The following HIBCH variants were observed in gnomAD, a reference collection of about 807,000 sequenced individuals.
HIBCH encodes 3-hydroxyisobutyryl-CoA hydrolase, mitochondrial.
Under a neutral mutation model 58.2 loss-of-function variants are expected in HIBCH, and 50 were observed. That is an observed-to-expected ratio of 0.86 (90% CI 0.68 to 1.09). The LOEUF is 1.09. Among genes scored for constraint, HIBCH ranks in the 50% least tolerant of loss-of-function variants. The pLI is 0.00. For synonymous variants in HIBCH, 151 were observed against 146.9 expected (o/e 1.03, Z -0.20); for missense variants, 450 against 449.7 (o/e 1.00, Z -0.01).
intron 4 of HIBCH, among the ~76,000 whole-genome samples, chr2:190,293,474 A>T (rs1688007954): frequency 6.6e-6 from 1 of 152,012 alleles, no homozygotes; most frequent in Non-Finnish European, 1.5e-5. Context: ...ATAAATAAAT[A>T]AATAAAATAA....
In HIBCH at chr2:190,205,131, C is replaced by G. The variant is rs749176843; in HGVS notation, c.1147G>C (p.Asp383His). Residue 383 changes from aspartate to histidine, a missense_variant, in exon 14 of 14, where the codon GAT becomes CAT. By Grantham distance (81) the Asp-to-His change is moderately conservative. Coordinates refer to ENST00000359678, the MANE Select transcript of HIBCH (RefSeq NM_014362.4). ...AGCCTGTCACCTCAAAATTTCAAAT[C>G]ACTGCTTCCCAAAGACTTAAAGTGA... is the stretch of plus-strand genomic sequence containing the variant. ...NNHFKSLGSS[D>H]LKF The G allele has an allele frequency of 6.3e-7, 1 of 1,596,564 alleles. No individual in the cohort carries two copies. Among genetic ancestry groups the G allele is most frequent in the Non-Finnish European group, 8.6e-7 (1 of 1,165,918 alleles).
intron 2 of HIBCH, among the ~76,000 whole-genome samples, chr2:190,310,436 C>G (rs1688528065): frequency 6.6e-6 from 1 of 152,118 alleles, no homozygotes; most frequent in Non-Finnish European, 1.5e-5. Context: ...TATAAGCACT[C>G]TAAGGTAGAT....
chr2:190,237,539 G>A (rs1001943648), intron 11 of HIBCH, among the ~76,000 whole-genome samples: 1 of 152,054 alleles, frequency 6.6e-6, no homozygotes, highest in Non-Finnish European at 1.5e-5. Flanking sequence ...GTGTGGACTC[G>A]TGTTTACACT....
chr2:190,285,247 G>A (rs1403149077), intron 6 of HIBCH, among the ~76,000 whole-genome samples: 1 of 152,118 alleles, frequency 6.6e-6, no homozygotes, highest in Non-Finnish European at 1.5e-5. Context: ...ATCCTTATGG[G>A]ATTTCTTTCC....
chr2:190,231,001 C>G (rs913287851), intron 11 of HIBCH, among the ~76,000 whole-genome samples: 1 of 152,150 alleles, frequency 6.6e-6, no homozygotes, highest in African/African-American at 2.4e-5. Context: ...AAGGCTTCTT[C>G]CAGAAATACA....
intron 1 of HIBCH, among the ~76,000 whole-genome samples, chr2:190,195,093 G>T (rs1347940289): frequency 6.6e-6 from 1 of 152,022 alleles, no homozygotes; most frequent in African/African-American, 2.4e-5. Context: ...TGAACTCCTG[G>T]GCTCAAATGA....
chr2:190,288,316 C>A (rs1687881843), intron 5 of HIBCH, among the ~76,000 whole-genome samples: 1 of 151,164 alleles, frequency 6.6e-6, no homozygotes, highest in African/African-American at 2.4e-5. Context: ...TAAAACAATT[C>A]TAAAATTCAT....
intron 13 of HIBCH, chr2:190,208,633 C>G: frequency 1.8e-6 from 1 of 551,580 alleles, no homozygotes; most frequent in Non-Finnish European, 3.2e-6. Flanking sequence ...TATTCTTTAT[C>G]TGGAATGCTT....
chr2:190,307,781 G>A (rs1351390186), intron 2 of HIBCH, among the ~76,000 whole-genome samples: 1 of 152,192 alleles, frequency 6.6e-6, no homozygotes, highest in Non-Finnish European at 1.5e-5. Flanking sequence ...AGATAGAAAT[G>A]AGGCCTCACT....
At chr2:190,252,673 C>G (rs1686808049) in intron 7 of HIBCH, among the ~76,000 whole-genome samples, 1 of 151,346 alleles carries the variant, frequency 6.6e-6, no homozygotes, top group Non-Finnish European at 1.5e-5. Context: ...CAAATCAGCA[C>G]AGGAAAAAAA....
rs555470391 is a variant in HIBCH, at chr2:190,233,267, C to T, written c.891+11620G>A. ...ATTTTCTGCTCATCATATGACACCA[C>T]TGAGAGAGAAAAGGCAAGTCACAGA... On this transcript the variant is annotated intron_variant, in intron 11 of 13. Transcript: ENST00000359678. Among the ~76,000 whole-genome samples the T allele has an allele frequency of 1.6e-4, 25 of 152,286 alleles. 1 individual carries two copies. Among genetic ancestry groups the T allele is most frequent in the Admixed American group, 1.4e-3 (21 of 15,298 alleles).
Position 190,287,658 on chromosome 2 carries a change from A to C in HIBCH, c.386-20T>G. ...AAGAACCTGAAAGAAACAGAGCTGT[A>C]ATTTTAGTTACAGTGTTTAAAATAC... On this transcript the variant is annotated intron_variant, in intron 5 of 13. Coordinates refer to ENST00000359678, the MANE Select transcript of HIBCH (RefSeq NM_014362.4). 2.5e-6 allele frequency: 4 copies of C among 1,583,276 alleles called. No homozygotes were observed. Among genetic ancestry groups the C allele is most frequent in the Non-Finnish European group, 3.5e-6 (4 of 1,152,462 alleles).
intron 1 of HIBCH, among the ~76,000 whole-genome samples, chr2:190,194,919 C>G (rs557885299): frequency 6.6e-6 from 1 of 152,258 alleles, no homozygotes; most frequent in South Asian, 2.1e-4. Context: ...GTGGTGCAAT[C>G]AATCTTAACT....
At chr2:190,308,033 C>T (rs542426992) in intron 2 of HIBCH, among the ~76,000 whole-genome samples, 3 of 152,304 alleles carry the variant, frequency 2.0e-5, no homozygotes, top group African/African-American at 4.8e-5. Context: ...CTTTCTCTTT[C>T]TCTCTCTCTG....
At chr2:190,245,907 T>C (rs907740476) in intron 10 of HIBCH, among the ~76,000 whole-genome samples, 13 of 151,540 alleles carry the variant, frequency 8.6e-5, no homozygotes, top group Admixed American at 8.6e-4. Context: ...TAAGAATTGC[T>C]TGAACCCAGG....
rs1685538470 is a variant in HIBCH, at chr2:190,216,453, TG to T, written c.892-3379del. On this transcript the variant is annotated intron_variant, in intron 11 of 13. Coordinates refer to ENST00000359678, the MANE Select transcript of HIBCH (RefSeq NM_014362.4). This position sits in a 1 kb window ranked among gnomAD's most constrained non-coding sequence, Gnocchi z 4.2. ...GCTGTCAGTAAGGCTGCAGAAGGTCTGGGGGGCTATATAAGTTAGATCAGAG... is the reference window on the plus strand; with the variant it reads ...GCTGTCAGTAAGGCTGCAGAAGGTCTGGGGGCTATATAAGTTAGATCAGAG... Among the ~76,000 whole-genome samples the T allele has an allele frequency of 6.6e-6, 1 of 152,122 alleles. No individual in the cohort carries two copies. Among genetic ancestry groups the T allele is most frequent in the Admixed American group, 6.5e-5 (1 of 15,274 alleles).
chr2:190,290,410 G>C lies in HIBCH; in HGVS notation c.380C>G (p.Ala127Gly), dbSNP rs1435776171. ...TCTGAGCAGAATACACATACCAACA[G>C]CATTATTCAGCATATATTCTTCTCT... Reference protein sequence around the residue: ...FFREEYMLNNAVGSCQKPYVA... With the variant: ...FFREEYMLNNGVGSCQKPYVA... Residue 127 changes from alanine (A) to glycine (G), a missense_variant, in exon 5 of 14, where the codon GCT (alanine) becomes GGT (glycine). By Grantham distance (60) the Ala-to-Gly change is moderately conservative (BLOSUM62 0). Coordinates refer to ENST00000359678, the MANE Select transcript of HIBCH (RefSeq NM_014362.4). 4 of 1,599,072 alleles carry C rather than the reference G, an allele frequency of 2.5e-6. No individual in the cohort carries two copies. Among genetic ancestry groups the C allele is most frequent in the Non-Finnish European group, 3.4e-6 (4 of 1,166,920 alleles).
intron 1 of HIBCH, among the ~76,000 whole-genome samples, chr2:190,191,314 C>T (rs1367016162): frequency 6.6e-6 from 1 of 151,982 alleles, no homozygotes; most frequent in Non-Finnish European, 1.5e-5. Flanking sequence ...TGCTAACTTT[C>T]TTGTATTTTC....
chr2:190,271,332 A>AGATG (rs914812671), intron 6 of HIBCH, among the ~76,000 whole-genome samples: 1 of 129,182 alleles, frequency 7.7e-6, no homozygotes, highest in African/African-American at 3.0e-5. Context: ...TCTGTCATCC[A>AGATG]GGCTACAGTG....
Sources: allele counts gnomAD v4.1 joint callset (sites outside exome capture counted in the v4.1 genomes callset), GRCh38; gene constraint gnomAD v4.1.1; non-coding constraint Gnocchi (gnomAD v3.1); transcripts MANE v1.5; gene names NCBI Gene and HGNC (gene_info 2026-07-23, HGNC 2026-07-21).